The following MALRD1 variants were observed in gnomAD, a reference collection of about 807,000 sequenced individuals.
MALRD1 encodes MAM and LDL receptor class A domain containing 1.
Under a neutral mutation model 242.1 loss-of-function variants are expected in MALRD1, and 247 were observed. The ratio of observed to expected loss-of-function variants is 1.02; its 90% CI spans 0.92 to 1.13. The LOEUF is 1.13. Among genes scored for constraint, MALRD1 ranks in the 50% most tolerant of loss-of-function variants. The pLI is 0.00. For missense variants in MALRD1, 2,989 were observed against 2,533.1 expected, an observed-to-expected ratio of 1.18 and a Z score of -3.86; for synonymous variants, 995 against 866.6, an observed-to-expected ratio of 1.15 and a Z score of -2.60.
chr10:19,315,242 T>C (rs1842616529), intron 21 of MALRD1, among the ~76,000 whole-genome samples: 1 of 86,204 alleles, frequency 1.2e-5, no homozygotes, highest in Non-Finnish European at 2.0e-5. Context: ...TTTATAGAAA[T>C]ATAATTTATA....
chr10:19,440,498 A>G (rs1392171134), intron 28 of MALRD1, among the ~76,000 whole-genome samples: 1 of 151,880 alleles, frequency 6.6e-6, no homozygotes, highest in Admixed American at 6.6e-5. Flanking sequence ...TCCCCCCGCA[A>G]CAACCCCACA....
chr10:19,548,472 C>G (rs1174490455), intron 32 of MALRD1, among the ~76,000 whole-genome samples: 1 of 152,070 alleles, frequency 6.6e-6, no homozygotes, highest in African/African-American at 2.4e-5. Context: ...TTACCCATCA[C>G]CCAAGTAAAA....
At chr10:19,269,461 GA>G (rs1178123908) in intron 19 of MALRD1, among the ~76,000 whole-genome samples, 1 of 152,248 alleles carries the variant, frequency 6.6e-6, no homozygotes, top group Non-Finnish European at 1.5e-5. Flanking sequence ...AAAGTTAAAT[GA>G]GTTGACCTCA....
At chr10:19,290,034 A>G (rs1158444187) in intron 21 of MALRD1, among the ~76,000 whole-genome samples, 1 of 152,182 alleles carries the variant, frequency 6.6e-6, no homozygotes, top group African/African-American at 2.4e-5. Context: ...AAACAATAAA[A>G]AGTCTAAAGA....
At chr10:19,124,876 T>C (rs577630814) in intron 7 of MALRD1, among the ~76,000 whole-genome samples, 1 of 151,764 alleles carries the variant, frequency 6.6e-6, no homozygotes, top group South Asian at 2.1e-4. Flanking sequence ...AACAATATTT[T>C]TTAAGTTTTA....
At chr10:19,281,963 CAAAAAAAA>C (rs149370838) in intron 20 of MALRD1, among the ~76,000 whole-genome samples, 2 of 79,862 alleles carry the variant, frequency 2.5e-5, no homozygotes, top group Admixed American at 3.1e-4. Flanking sequence ...ACGATGTCTC[CAAAAAAAA>C]AAAAAAAAAA....
intron 21 of MALRD1, among the ~76,000 whole-genome samples, chr10:19,321,533 T>G (rs1472466930): frequency 6.6e-6 from 1 of 152,168 alleles, no homozygotes; most frequent in Non-Finnish European, 1.5e-5. Context: ...CCAGAGTACA[T>G]GTGATAATTT....
chr10:19,713,838 A>G (rs540424530), intron 38 of MALRD1, among the ~76,000 whole-genome samples: 16 of 152,228 alleles, frequency 1.1e-4, no homozygotes, highest in Non-Finnish European at 1.8e-4. Context: ...TCAATGAGAA[A>G]GGGATTCAAA....
rs1554788439 is a variant in MALRD1 at position 19,099,763 on chromosome 10, A to ATATATTT, written c.598-4215_598-4214insATATTTT. On this transcript the variant is annotated intron_variant, in intron 4 of 39. Transcript: ENST00000454679. ...CTCCATAGAACCTATATATATATAT[A>ATATATTT]TTTTTTTTAATTTTTTTTGCCAGAT... Among the ~76,000 whole-genome samples the ATATATTT allele has an allele frequency of 4.7e-5, 7 of 149,324 alleles. 1 individual carries two copies. The East Asian group carries it at 7.9e-4, about 17-fold the overall frequency.
intron 16 of MALRD1, 74 bp from the exon 17 acceptor site, chr10:19,204,824 T>A: frequency 7.2e-7 from 1 of 1,393,660 alleles, no homozygotes; most frequent in Non-Finnish European, 9.6e-7. Context: ...GTTGACTGAG[T>A]AGAAAAATCT....
At chr10:19,100,591 T>A (rs745864855) in intron 4 of MALRD1, among the ~76,000 whole-genome samples, 4 of 150,430 alleles carry the variant, frequency 2.7e-5, no homozygotes, top group Non-Finnish European at 5.9e-5. Context: ...AGCTTTCTTC[T>A]GGTACCACTG....
intron 12 of MALRD1, among the ~76,000 whole-genome samples, chr10:19,161,469 A>G (rs1834397286): frequency 7.4e-6 from 1 of 134,966 alleles, no homozygotes; most frequent in South Asian, 2.4e-4. Flanking sequence ...TAACCTGCAC[A>G]TTGTGCACAT....
At chr10:19,062,441 G>A (rs1035738159) in intron 1 of MALRD1, among the ~76,000 whole-genome samples, 8 of 152,116 alleles carry the variant, frequency 5.3e-5, no homozygotes, top group Admixed American at 2.6e-4. Context: ...ATACCCCAAG[G>A]AAACCAAAGT....
At position 19,350,271 on chromosome 10, in the gene MALRD1, C is replaced by T. The variant is rs868616298; in HGVS notation, c.4150-1735C>T. 3.3e-3 allele frequency among the ~76,000 whole-genome samples: 389 copies of T among 118,486 alleles called. 2 individuals are homozygous for T. The highest frequency in any genetic ancestry group is 9.2e-3 in the African/African-American group (285 of 31,050). The allele number at this position is 118,486 out of a possible 152,430, so 77.7% of individuals were successfully genotyped here. The stretch of plus-strand genomic sequence containing the variant: ...GACCTTAATGATTTTTTCTTTTTTT[C>T]TTTTTTTTTTTTTTTTTGAGATGGA... On this transcript the variant is annotated intron_variant, in intron 25 of 39. Transcript: ENST00000454679.
intron 24 of MALRD1, among the ~76,000 whole-genome samples, chr10:19,343,491 T>C (rs1464353444): frequency 6.6e-6 from 1 of 152,112 alleles, no homozygotes; most frequent in Non-Finnish European, 1.5e-5. Context: ...TTCTTTATAG[T>C]CAAACTCATT....
intron 34 of MALRD1, 126 bp downstream of exon 34, chr10:19,595,583 T>C (rs1838054020): frequency 8.9e-7 from 1 of 1,128,304 alleles, no homozygotes; most frequent in Non-Finnish European, 1.2e-6. Context: ...ATAACACAGC[T>C]TTCAGTGTTA....
intron 5 of MALRD1, among the ~76,000 whole-genome samples, chr10:19,112,416 T>G (rs1354858824): frequency 6.6e-6 from 1 of 152,142 alleles, no homozygotes; most frequent in Non-Finnish European, 1.5e-5. Context: ...GGATAGGGCT[T>G]CTTGGATTTG....
intron 28 of MALRD1, among the ~76,000 whole-genome samples, chr10:19,438,722 A>G (rs1245978073): frequency 2.0e-5 from 3 of 152,110 alleles, no homozygotes; most frequent in African/African-American, 7.2e-5. Flanking sequence ...TGTGATTTTG[A>G]TGGTTTACTT....
In MALRD1 at chr10:19,734,292, TC is replaced by T; in HGVS notation, c.*57del. On this transcript the variant is annotated 3_prime_UTR_variant, in exon 40 of 40. Coordinates refer to ENST00000454679, the MANE Select transcript of MALRD1 (RefSeq NM_001142308.3). ...GTGTAGTTTCTAGAAAATTGAAGTC[TC>T]CACAATCTGATAGAAACTCATCTTC... is the stretch of plus-strand genomic sequence containing the variant. 1 of 1,383,208 alleles carries T rather than the reference TC, an allele frequency of 7.2e-7. No homozygotes were observed. The highest frequency in any genetic ancestry group is 9.9e-7 in the Non-Finnish European group (1 of 1,011,642). 85.7% of individuals were successfully genotyped at this position (1,383,208 alleles called of 1,614,324 possible).
Sources: gnomAD v4.1 joint callset for allele counts (sites outside exome capture counted in the v4.1 genomes callset) on GRCh38, gnomAD v4.1.1 for gene constraint, MANE v1.5 for transcripts, NCBI Gene and HGNC (gene_info 2026-07-23, HGNC 2026-07-21) for gene names.